Variants in C8orf34 observed in about 807,000 individuals in gnomAD.
The protein encoded by C8orf34 is uncharacterized protein C8orf34.
C8orf34 carries 65 observed loss-of-function variants against 68.3 expected under a neutral mutation model. The observed-to-expected ratio is 0.95, with a 90% confidence interval of 0.78 to 1.17. C8orf34 has a LOEUF of 1.17. C8orf34 is among the 50% of genes most tolerant of loss of function. The probability of loss-of-function intolerance (pLI) is 0.00; values close to 1 mark genes in which losing one functional copy is unlikely to be tolerated. For missense variants in C8orf34, 664 were observed against 655.4 expected, an observed-to-expected ratio of 1.01 and a Z score of -0.14; for synonymous variants, 244 against 241.2, an observed-to-expected ratio of 1.01 and a Z score of -0.11.
intron 7 of C8orf34, among the ~76,000 whole-genome samples, chr8:68,585,141 C>T (rs1817170805): frequency 6.6e-6 from 1 of 152,096 alleles, no homozygotes; most frequent in Non-Finnish European, 1.5e-5. Flanking sequence ...GAGAAGTGAA[C>T]TTTGATTGCC....
At chr8:68,730,098 G>A (rs2129526822) in intron 10 of C8orf34, among the ~76,000 whole-genome samples, 1 of 152,176 alleles carries the variant, frequency 6.6e-6, no homozygotes, top group African/African-American at 2.4e-5. Flanking sequence ...CACACAGCTA[G>A]CATTTATGGA....
At chr8:68,444,471 G>T (rs1272807369) in intron 2 of C8orf34, among the ~76,000 whole-genome samples, 2 of 151,848 alleles carry the variant, frequency 1.3e-5, no homozygotes, top group Non-Finnish European at 2.9e-5. Flanking sequence ...TTTATTAAAT[G>T]ATTCTTAAAA....
chr8:68,384,460 A>C (rs1295881188), intron 1 of C8orf34, among the ~76,000 whole-genome samples: 9 of 152,344 alleles, frequency 5.9e-5, no homozygotes, highest in African/African-American at 2.2e-4. Flanking sequence ...TGTTGCCAAG[A>C]TATTGCTTTA....
At chr8:68,533,853 A>G in intron 7 of C8orf34, 2 of 976,976 alleles carry the variant, frequency 2.0e-6, no homozygotes, top group Non-Finnish European at 2.4e-6. Flanking sequence ...AGTGATCCAC[A>G]TATAAAACAA....
intron 1 of C8orf34, among the ~76,000 whole-genome samples, chr8:68,368,993 C>G (rs1363203030): frequency 6.6e-6 from 1 of 152,260 alleles, no homozygotes; most frequent in East Asian, 1.9e-4. Flanking sequence ...TTATCTTCAC[C>G]TTTCTCCTGG....
chr8:68,502,739 T>C (rs973886372), intron 5 of C8orf34, among the ~76,000 whole-genome samples: 1 of 152,110 alleles, frequency 6.6e-6, no homozygotes, highest in Non-Finnish European at 1.5e-5. Context: ...AATTATGAAA[T>C]TAGACAATTA....
intron 1 of C8orf34, among the ~76,000 whole-genome samples, chr8:68,405,083 A>G (rs1314188737): frequency 2.0e-5 from 3 of 152,154 alleles, no homozygotes; most frequent in Non-Finnish European, 2.9e-5. Flanking sequence ...GGTCCTTCAC[A>G]TCCCTTGTAT....
rs530280862 is a variant in C8orf34, at chr8:68,711,665, G to C, written c.1327+2586G>C. On this transcript the variant is annotated intron_variant, in intron 9 of 13. Transcript: ENST00000518698. ...ATGAACAAAGCCTCCAATGAACAAA[G>C]TCTCCAAGAAGTTTGGGACTGTGTT... Among the ~76,000 whole-genome samples the C allele has an allele frequency of 2.8e-4, 42 of 152,184 alleles. No individual in the cohort carries two copies. In the South Asian group the frequency reaches 8.7e-3, roughly 32 times the overall value.
intron 12 of C8orf34, 104 bp downstream of exon 12, chr8:68,787,640 A>G: frequency 1.4e-6 from 1 of 724,808 alleles, no homozygotes; most frequent in Non-Finnish European, 2.2e-6. Flanking sequence ...GTAAAAAAAA[A>G]AAAATCCAGA....
intron 9 of C8orf34, among the ~76,000 whole-genome samples, chr8:68,715,229 A>C (rs1157103199): frequency 6.6e-6 from 1 of 152,144 alleles, no homozygotes; most frequent in Non-Finnish European, 1.5e-5. Context: ...CGTCATGACC[A>C]AGAACCCAAA....
intron 8 of C8orf34, among the ~76,000 whole-genome samples, chr8:68,662,825 C>G (rs1819722332): frequency 2.0e-5 from 3 of 151,968 alleles, no homozygotes; most frequent in Admixed American, 2.0e-4. Context: ...GTCAGAGGAC[C>G]TTGGTTCATT....
intron 8 of C8orf34, among the ~76,000 whole-genome samples, chr8:68,691,798 G>T (rs1156552983): frequency 6.6e-6 from 1 of 152,028 alleles, no homozygotes; most frequent in Non-Finnish European, 1.5e-5. Context: ...AATGGTAAAT[G>T]TGTGCCTTTT....
At chr8:68,501,643 T>C (rs1813776623) in intron 5 of C8orf34, among the ~76,000 whole-genome samples, 1 of 151,912 alleles carries the variant, frequency 6.6e-6, no homozygotes, top group Non-Finnish European at 1.5e-5. Context: ...ATGTTAGTGA[T>C]AGGTGCCATA....
chr8:68,473,992 C>A (rs1320784836), intron 4 of C8orf34, among the ~76,000 whole-genome samples: 1 of 152,176 alleles, frequency 6.6e-6, no homozygotes, highest in East Asian at 1.9e-4. Flanking sequence ...AGGCCTCATT[C>A]AGGAGTTTAT....
intron 5 of C8orf34, among the ~76,000 whole-genome samples, chr8:68,516,517 A>G (rs1814521092): frequency 6.6e-6 from 1 of 152,210 alleles, no homozygotes; most frequent in South Asian, 2.1e-4. Flanking sequence ...TCTTGGAGAG[A>G]GAGCCTAGGA....
intron 8 of C8orf34, among the ~76,000 whole-genome samples, chr8:68,672,754 TG>T (rs1028073537): frequency 6.6e-6 from 1 of 152,074 alleles, no homozygotes; most frequent in African/African-American, 2.4e-5. Context: ...GCAGTGGACT[TG>T]GGGGGCATGC....
At chr8:68,632,468 A>G (rs1818718871) in intron 7 of C8orf34, among the ~76,000 whole-genome samples, 1 of 152,206 alleles carries the variant, frequency 6.6e-6, no homozygotes, top group Non-Finnish European at 1.5e-5. Context: ...TTGCAGCCTG[A>G]CCATGCAGTA....
intron 6 of C8orf34, chr8:68,525,663 G>A (rs781184456): frequency 2.3e-5 from 16 of 680,880 alleles, no homozygotes; most frequent in Non-Finnish European, 3.8e-5. Flanking sequence ...AGATCTTTGA[G>A]TTGCACATGA....
At chr8:68,639,534 A>G (rs1302091369) in intron 7 of C8orf34, among the ~76,000 whole-genome samples, 1 of 152,098 alleles carries the variant, frequency 6.6e-6, no homozygotes, top group Non-Finnish European at 1.5e-5. Flanking sequence ...TTTCCTCCTC[A>G]CATATGTTAT....
Sources: gnomAD v4.1 joint callset for allele counts (sites outside exome capture counted in the v4.1 genomes callset) on GRCh38, gnomAD v4.1.1 for gene constraint, MANE v1.5 for transcripts, NCBI Gene and HGNC (gene_info 2026-07-23, HGNC 2026-07-21) for gene names.